The following GLIS3 variants were observed in gnomAD, a reference collection of about 807,000 sequenced individuals.
GLIS3 encodes the protein GLIS family zinc finger 3, also known as zinc finger protein GLIS3.
GLIS3 carries 53 observed loss-of-function variants against 78.6 expected under a neutral mutation model. That is an observed-to-expected ratio of 0.67 (90% CI 0.54 to 0.85). GLIS3 has a LOEUF of 0.85. GLIS3 is among the 40% of genes least tolerant of loss of function. GLIS3 has a pLI of 0.00. For missense variants in GLIS3, 1,703 were observed against 1,231.1 expected (o/e 1.38, Z -5.74); for synonymous variants, 684 against 509.9 (o/e 1.34, Z -4.60).
At chr9:4,033,506 A>G (rs1219570656) in intron 4 of GLIS3, among the ~76,000 whole-genome samples, 1 of 152,116 alleles carries the variant, frequency 6.6e-6, no homozygotes, top group Non-Finnish European at 1.5e-5. Context: ...TCCCTATCCC[A>G]TGGGGAAAAG....
intron 2 of GLIS3, among the ~76,000 whole-genome samples, chr9:4,330,877 G>A (rs529604174): frequency 6.6e-6 from 1 of 152,278 alleles, no homozygotes; most frequent in South Asian, 2.1e-4. Flanking sequence ...GCTGATTCCT[G>A]CAGATCACCT....
chr9:4,212,928 G>C (rs767066594), intron 2 of GLIS3, among the ~76,000 whole-genome samples: 12 of 152,208 alleles, frequency 7.9e-5, no homozygotes, highest in Non-Finnish European at 1.6e-4. Flanking sequence ...AATATAATCA[G>C]ATTTGGGGTT....
In GLIS3 at chr9:4,330,340, T is replaced by C. The variant is rs114682083; in HGVS notation, n.264+16741A>G. On this transcript the variant is annotated intron_variant and non_coding_transcript_variant, in intron 2 of 4. Transcript: ENST00000471664. ...TACCCATCCAGAGTCTCTGATTCAATAGGTCTGGCACAGGCCCTGCGAGTT... is the reference window on the plus strand; with the variant it reads ...TACCCATCCAGAGTCTCTGATTCAACAGGTCTGGCACAGGCCCTGCGAGTT... Among the ~76,000 whole-genome samples the C allele has an allele frequency of 4.6e-3, 700 of 152,376 alleles. 5 individuals are homozygous for C. Among genetic ancestry groups the C allele is most frequent in the African/African-American group, 0.016 (669 of 41,594 alleles).
the GLIS3 span, among the ~76,000 whole-genome samples, chr9:4,445,365 G>A: frequency 6.6e-6 from 1 of 152,156 alleles, no homozygotes; most frequent in African/African-American, 2.4e-5. Flanking sequence ...GGTGGTTCAC[G>A]CCTATAATCC....
intron 2 of GLIS3, among the ~76,000 whole-genome samples, chr9:4,179,024 G>C (rs1487874292): frequency 2.0e-5 from 3 of 152,122 alleles, no homozygotes; most frequent in Non-Finnish European, 4.4e-5. Flanking sequence ...TATATAACTT[G>C]GCAGACAGCC....
chr9:4,061,006 C>T (rs748169689), intron 4 of GLIS3, among the ~76,000 whole-genome samples: 8 of 152,066 alleles, frequency 5.3e-5, no homozygotes, highest in Non-Finnish European at 1.0e-4. Flanking sequence ...TCCAATACCC[C>T]GTTCTTCTGG....
At chr9:3,969,112 C>T (rs1293018011) in intron 4 of GLIS3, among the ~76,000 whole-genome samples, 1 of 152,190 alleles carries the variant, frequency 6.6e-6, no homozygotes, top group Non-Finnish European at 1.5e-5. Flanking sequence ...CATTTTTCCC[C>T]TTGTCTGCTT....
chr9:4,425,836 G>A, the GLIS3 span, among the ~76,000 whole-genome samples: 6 of 152,144 alleles, frequency 3.9e-5, no homozygotes, highest in Non-Finnish European at 7.4e-5. Context: ...ATTTCCCTGG[G>A]AAGTTTTACT....
At chr9:4,418,697 T>C in the GLIS3 span, among the ~76,000 whole-genome samples, 1 of 151,608 alleles carries the variant, frequency 6.6e-6, no homozygotes, top group Non-Finnish European at 1.5e-5. Flanking sequence ...AGAGTCCATC[T>C]CAAAAAACAA....
chr9:4,233,743 T>C (rs182230316), intron 2 of GLIS3, among the ~76,000 whole-genome samples: 6 of 152,354 alleles, frequency 3.9e-5, no homozygotes, highest in African/African-American at 1.4e-4. Flanking sequence ...AAGCCAGGCA[T>C]TGACTTCTCC....
At chr9:4,324,624 T>C (rs1817576977) in intron 2 of GLIS3, among the ~76,000 whole-genome samples, 1 of 152,226 alleles carries the variant, frequency 6.6e-6, no homozygotes, top group Non-Finnish European at 1.5e-5. Context: ...TGAAATATCT[T>C]CTCAAAAAGA....
chr9:4,168,651 T>C (rs539128297), intron 2 of GLIS3, among the ~76,000 whole-genome samples: 221 of 152,366 alleles, frequency 1.5e-3, no homozygotes, highest in Non-Finnish European at 2.5e-3. Flanking sequence ...ACATTTTTAC[T>C]TTAAAAAAGA....
At chr9:4,440,416 A>G in the GLIS3 span, among the ~76,000 whole-genome samples, 1 of 152,168 alleles carries the variant, frequency 6.6e-6, no homozygotes, top group Non-Finnish European at 1.5e-5. Flanking sequence ...CTGTTTTCTC[A>G]ACACAATTTA....
the GLIS3 span, among the ~76,000 whole-genome samples, chr9:4,448,569 C>T: frequency 6.6e-6 from 1 of 152,214 alleles, no homozygotes; most frequent in Non-Finnish European, 1.5e-5. Flanking sequence ...ACAGATATTT[C>T]CAGCTTCTTG....
At chr9:4,309,495 G>C (rs910729890) in intron 3 of GLIS3, among the ~76,000 whole-genome samples, 5 of 152,128 alleles carry the variant, frequency 3.3e-5, no homozygotes, top group African/African-American at 9.7e-5. Context: ...AATTCTGACA[G>C]GTTACAGAAG....
chr9:4,409,511 A>C, the GLIS3 span, among the ~76,000 whole-genome samples: 4 of 152,188 alleles, frequency 2.6e-5, no homozygotes, highest in Non-Finnish European at 4.4e-5. Context: ...GCAGTCTCCT[A>C]TGTCATTCAT....
At chr9:4,374,025 T>A in the GLIS3 span, among the ~76,000 whole-genome samples, 1 of 152,214 alleles carries the variant, frequency 6.6e-6, no homozygotes, top group African/African-American at 2.4e-5. Flanking sequence ...GGGCACCTTT[T>A]TAACAGTTAC....
the GLIS3 span, among the ~76,000 whole-genome samples, chr9:4,364,853 A>G: frequency 2.0e-5 from 3 of 148,386 alleles, no homozygotes; most frequent in Admixed American, 2.1e-4. Flanking sequence ...GTGCAATCAT[A>G]GCACACTACA....
the GLIS3 span, among the ~76,000 whole-genome samples, chr9:4,400,848 C>T: frequency 6.6e-6 from 1 of 152,216 alleles, no homozygotes; most frequent in Non-Finnish European, 1.5e-5. Context: ...AAGGGAATGA[C>T]TCAGTCTTGA....
Sources: gnomAD v4.1 joint callset for allele counts (sites outside exome capture counted in the v4.1 genomes callset) on GRCh38, gnomAD v4.1.1 for gene constraint, MANE v1.5 for transcripts, NCBI Gene and HGNC (gene_info 2026-07-23, HGNC 2026-07-21) for gene names.